Variants in VPS13B observed in about 807,000 individuals in gnomAD.
VPS13B encodes the protein vacuolar protein sorting 13 homolog B, also known as intermembrane lipid transfer protein VPS13B.
In VPS13B, 285 loss-of-function variants were observed where a neutral mutation model predicts 426.4. That is an observed-to-expected ratio of 0.67 (90% CI 0.61 to 0.74). The LOEUF (loss-of-function observed/expected upper bound fraction) is 0.74, where lower values mean the gene tolerates loss of function less well. Ranked by LOEUF, VPS13B falls within the 30% of genes least tolerant of loss-of-function variation. The pLI is 0.00. For synonymous variants in VPS13B, 1,676 were observed against 1,676.4 expected, an observed-to-expected ratio of 1.00 and a Z score of 0.01; for missense variants, 4,537 against 4,782.6, an observed-to-expected ratio of 0.95 and a Z score of 1.51.
chr8:99,082,355 G>A (rs1845529882), intron 3 of VPS13B, among the ~76,000 whole-genome samples: 1 of 152,152 alleles, frequency 6.6e-6, no homozygotes, highest in East Asian at 1.9e-4. Flanking sequence ...GTAGATTCTG[G>A]ATATTAGCCC....
intron 17 of VPS13B, among the ~76,000 whole-genome samples, chr8:99,272,536 C>G (rs1818654477): frequency 6.6e-6 from 1 of 152,108 alleles, no homozygotes; most frequent in African/African-American, 2.4e-5. Context: ...ATCATCATCA[C>G]TATCATCACC....
At chr8:99,519,790 G>A (rs555995284) in intron 29 of VPS13B, among the ~76,000 whole-genome samples, 6 of 143,676 alleles carry the variant, frequency 4.2e-5, no homozygotes, top group East Asian at 4.2e-4. Context: ...ATCATACACC[G>A]GGGCCTGTTG....
At chr8:99,449,566 T>C (rs2133456799) in intron 23 of VPS13B, among the ~76,000 whole-genome samples, 1 of 152,070 alleles carries the variant, frequency 6.6e-6, no homozygotes, top group Non-Finnish European at 1.5e-5. Flanking sequence ...GGGAACGTAA[T>C]GTTATGGGAT....
At chr8:99,453,481 A>T (rs1818300277) in intron 23 of VPS13B, among the ~76,000 whole-genome samples, 1 of 152,224 alleles carries the variant, frequency 6.6e-6, no homozygotes, top group Non-Finnish European at 1.5e-5. Context: ...ACCTAAATGT[A>T]CTTAATATAA....
At chr8:99,665,968 ATTTG>A (rs1052514608) in intron 35 of VPS13B, among the ~76,000 whole-genome samples, 17 of 152,220 alleles carry the variant, frequency 1.1e-4, no homozygotes, top group African/African-American at 3.9e-4. Flanking sequence ...ATGTTCTTCC[ATTTG>A]TTTGTATCCT....
At chr8:99,328,244 G>A (rs922027801) in intron 19 of VPS13B, among the ~76,000 whole-genome samples, 7 of 152,094 alleles carry the variant, frequency 4.6e-5, no homozygotes, top group Non-Finnish European at 7.4e-5. Context: ...TGAAACAATC[G>A]CCATCCCTGA....
intron 31 of VPS13B, among the ~76,000 whole-genome samples, chr8:99,561,618 T>C (rs1395553770): frequency 1.3e-5 from 2 of 152,168 alleles, no homozygotes; most frequent in Non-Finnish European, 2.9e-5. Flanking sequence ...AGGCTTTCTG[T>C]TAGATGATTT....
intron 29 of VPS13B, among the ~76,000 whole-genome samples, chr8:99,519,161 C>T (rs1186837749): frequency 1.3e-5 from 2 of 152,136 alleles, no homozygotes; most frequent in African/African-American, 4.8e-5. Flanking sequence ...ATCCTTCACC[C>T]ACTTTTTGAT....
intron 3 of VPS13B, among the ~76,000 whole-genome samples, chr8:99,054,549 G>A (rs762153101): frequency 8.5e-5 from 13 of 152,298 alleles, no homozygotes; most frequent in East Asian, 7.7e-4. Context: ...GATGCACAAC[G>A]TATTTAATTT....
At chr8:99,146,011 T>G (rs1036014488) in intron 13 of VPS13B, among the ~76,000 whole-genome samples, 1 of 152,238 alleles carries the variant, frequency 6.6e-6, no homozygotes, top group Non-Finnish European at 1.5e-5. Context: ...ATGTGTAGTT[T>G]TAATGAGCAA....
intron 3 of VPS13B, among the ~76,000 whole-genome samples, chr8:99,047,718 T>C (rs1843307971): frequency 6.6e-6 from 1 of 152,094 alleles, no homozygotes; most frequent in Non-Finnish European, 1.5e-5. Context: ...GATGAAGTCT[T>C]GCTTTGTCAC....
At chr8:99,325,227 A>G (rs1810182422) in intron 19 of VPS13B, among the ~76,000 whole-genome samples, 1 of 152,216 alleles carries the variant, frequency 6.6e-6, no homozygotes, top group Admixed American at 6.6e-5. Context: ...TTGGAATTAC[A>G]GGCATGAGCC....
At chr8:99,113,930 T>G (rs1359788693) in intron 6 of VPS13B, among the ~76,000 whole-genome samples, 2 of 152,166 alleles carry the variant, frequency 1.3e-5, no homozygotes, top group African/African-American at 4.8e-5. Context: ...GGTTGGCTTT[T>G]TATAATTTTC....
intron 17 of VPS13B, among the ~76,000 whole-genome samples, chr8:99,263,732 C>T (rs1234647336): frequency 1.3e-5 from 2 of 152,258 alleles, no homozygotes; most frequent in East Asian, 3.9e-4. Flanking sequence ...AGGATCATCT[C>T]CCTATTTCAA....
intron 30 of VPS13B, among the ~76,000 whole-genome samples, chr8:99,550,624 T>G (rs72674647): frequency 0.2 from 29,764 of 151,822 alleles, 3,394 homozygotes; most frequent in East Asian, 0.38. Flanking sequence ...CCTCTTTCTT[T>G]TAGTTTATTC....
At chr8:99,303,055 C>T (rs953652045) in intron 19 of VPS13B, among the ~76,000 whole-genome samples, 38 of 151,570 alleles carry the variant, frequency 2.5e-4, no homozygotes, top group African/African-American at 8.9e-4. Context: ...CCAAGGCGGG[C>T]GGATCATGAG....
intron 3 of VPS13B, among the ~76,000 whole-genome samples, chr8:99,080,775 T>C (rs1845405423): frequency 6.6e-6 from 1 of 152,204 alleles, no homozygotes; most frequent in Admixed American, 6.5e-5. Context: ...TTTTGTTGAT[T>C]TCCTTAGCTG....
intron 2 of VPS13B, among the ~76,000 whole-genome samples, chr8:99,025,739 G>A (rs947600888): frequency 2.0e-5 from 3 of 152,098 alleles, no homozygotes; most frequent in Admixed American, 6.5e-5. Flanking sequence ...TCATTACTCG[G>A]TATTGGACTG....
At chr8:99,352,504 A>G (rs2133214667) in intron 19 of VPS13B, among the ~76,000 whole-genome samples, 1 of 152,350 alleles carries the variant, frequency 6.6e-6, no homozygotes, top group East Asian at 1.9e-4. Flanking sequence ...AAAAATGTAT[A>G]TGACCAGGAA....
Sources: allele counts gnomAD v4.1 joint callset (sites outside exome capture counted in the v4.1 genomes callset), GRCh38; gene constraint gnomAD v4.1.1; transcripts MANE v1.5; gene names NCBI Gene and HGNC (gene_info 2026-07-23, HGNC 2026-07-21).